The following CNBD1 variants were observed in gnomAD, a reference collection of about 807,000 sequenced individuals.
CNBD1 encodes the protein cyclic nucleotide binding domain containing 1, also known as cyclic nucleotide-binding domain-containing protein 1.
In CNBD1, 71 loss-of-function variants were observed where a neutral mutation model predicts 54.4. That is an observed-to-expected ratio of 1.30 (90% CI 1.08 to 1.59). The LOEUF is 1.59. CNBD1 is among the 40% of genes most tolerant of loss of function. The pLI is 0.00. For missense variants in CNBD1, 659 were observed against 518.0 expected (o/e 1.27, Z -2.64); for synonymous variants, 182 against 170.7 (o/e 1.07, Z -0.51).
At chr8:87,101,670 A>G (rs1450975393) in intron 4 of CNBD1, among the ~76,000 whole-genome samples, 4 of 152,124 alleles carry the variant, frequency 2.6e-5, no homozygotes, top group African/African-American at 9.7e-5. Context: ...GAACATGACA[A>G]CTGCAGAATT....
intron 6 of CNBD1, among the ~76,000 whole-genome samples, chr8:87,274,980 C>A (rs1808444010): frequency 7.5e-6 from 1 of 133,688 alleles, no homozygotes; most frequent in Admixed American, 7.1e-5. Flanking sequence ...CCAGTTTCAG[C>A]TTTCTACATA....
At chr8:87,351,567 TAAG>T in intron 8 of CNBD1, 115 bp from the exon 9 acceptor site, 1 of 972,382 alleles carries the variant, frequency 1.0e-6, no homozygotes, top group African/African-American at 1.7e-5. Context: ...TGGAATCTAT[TAAG>T]AAACTTACTA....
chr8:87,324,210 T>G (rs1809611517), intron 8 of CNBD1, among the ~76,000 whole-genome samples: 1 of 129,672 alleles, frequency 7.7e-6, no homozygotes, highest in African/African-American at 2.9e-5. Flanking sequence ...TTTGCCAGTA[T>G]TTTATTGAGG....
At chr8:87,128,493 C>G (rs1438993303) in intron 4 of CNBD1, among the ~76,000 whole-genome samples, 1 of 152,274 alleles carries the variant, frequency 6.6e-6, no homozygotes, top group African/African-American at 2.4e-5. Flanking sequence ...AGGGAACTCG[C>G]CTATTTCACA....
intron 4 of CNBD1, among the ~76,000 whole-genome samples, chr8:87,073,583 G>C (rs1810803921): frequency 6.6e-6 from 1 of 152,086 alleles, no homozygotes; most frequent in Admixed American, 6.5e-5. Flanking sequence ...GTTTGCTGCT[G>C]TTTCCACTCC....
downstream of CNBD1, among the ~76,000 whole-genome samples, chr8:87,387,615 A>G (rs1244434831): frequency 6.6e-6 from 1 of 152,216 alleles, no homozygotes; most frequent in East Asian, 1.9e-4. Flanking sequence ...GCAAGTCCTT[A>G]GAGACCAACA....
chr8:87,271,712 C>T (rs1808367467), intron 6 of CNBD1, among the ~76,000 whole-genome samples: 2 of 151,906 alleles, frequency 1.3e-5, no homozygotes, highest in Non-Finnish European at 2.9e-5. Context: ...CCTCAGATAA[C>T]TAGAAATAAA....
intron 4 of CNBD1, among the ~76,000 whole-genome samples, chr8:87,089,315 T>A (rs531319446): frequency 2.6e-5 from 4 of 152,192 alleles, no homozygotes; most frequent in African/African-American, 9.6e-5. Flanking sequence ...TTAAGAATAA[T>A]TTTTTTGTAA....
intron 3 of CNBD1, 63 bp downstream of exon 3, chr8:86,905,257 CAAGTTGAA>C: frequency 1.1e-6 from 1 of 920,466 alleles, no homozygotes; most frequent in Non-Finnish European, 1.7e-6. Flanking sequence ...TGTGCTCACA[CAAGTTGAA>C]CTCAAAACTG....
intron 8 of CNBD1, among the ~76,000 whole-genome samples, chr8:87,320,264 T>A (rs940946261): frequency 2.6e-5 from 4 of 152,158 alleles, no homozygotes; most frequent in African/African-American, 9.6e-5. Context: ...AATTGTGTTT[T>A]GTGCATGATA....
At chr8:87,154,013 C>T (rs1002303148) in intron 4 of CNBD1, among the ~76,000 whole-genome samples, 14 of 152,036 alleles carry the variant, frequency 9.2e-5, no homozygotes, top group Non-Finnish European at 1.0e-4. Context: ...AGTGTTGAGA[C>T]GAGTGGAGAG....
chr8:87,105,486 C>A (rs1811514581), intron 4 of CNBD1, among the ~76,000 whole-genome samples: 1 of 152,170 alleles, frequency 6.6e-6, no homozygotes, highest in Admixed American at 6.5e-5. Flanking sequence ...GTGGCACTTT[C>A]TTCCATATCC....
chr8:86,903,339 A>T (rs1264045095), intron 2 of CNBD1, among the ~76,000 whole-genome samples: 1 of 152,180 alleles, frequency 6.6e-6, no homozygotes, highest in Non-Finnish European at 1.5e-5. Flanking sequence ...TAAATTTTTT[A>T]TCCACTCCAA....
In CNBD1 at chr8:87,406,830, G is replaced by T. The variant is rs567308673; in HGVS notation, c.214-21716G>T. ...ACAGGTAAATAATATCTCCATGGCT[G>T]CCCATAGCCCACAGCCCCAGACTGA... On this transcript the variant is annotated intron_variant, in intron 2 of 7. Transcript: ENST00000521593. Among the ~76,000 whole-genome samples the T allele has an allele frequency of 2.0e-5, 3 of 152,094 alleles. No individual in the cohort carries two copies. In the South Asian group the frequency reaches 6.2e-4, roughly 32 times the overall value.
In CNBD1 at chr8:86,879,300, C is replaced by T. The variant is rs542658811; in HGVS notation, c.89-8242C>T. 2.6e-5 allele frequency among the ~76,000 whole-genome samples: 4 copies of T among 152,156 alleles called. No individual in the cohort carries two copies. The South Asian group carries it at 6.2e-4, about 24-fold the overall frequency. On this transcript the variant is annotated intron_variant, in intron 1 of 10. Coordinates refer to ENST00000518476, the MANE Select transcript of CNBD1 (RefSeq NM_173538.3). ...ATGGACCCTGTTCTAAGGGGAGCAT[C>T]ATAAATCTGAAGAAACATAGATATA...
intron 4 of CNBD1, among the ~76,000 whole-genome samples, chr8:86,993,270 T>A (rs1327066458): frequency 6.6e-6 from 1 of 152,104 alleles, no homozygotes; most frequent in Non-Finnish European, 1.5e-5. Flanking sequence ...GCTGAATACA[T>A]TATGAACATT....
At chr8:87,342,162 A>G (rs1408802635) in intron 8 of CNBD1, among the ~76,000 whole-genome samples, 1 of 152,012 alleles carries the variant, frequency 6.6e-6, no homozygotes, top group East Asian at 1.9e-4. Flanking sequence ...AGTCCCAGCT[A>G]CTTGAGAGGC....
At chr8:86,875,076 G>A (rs1257693330) in intron 1 of CNBD1, among the ~76,000 whole-genome samples, 1 of 148,400 alleles carries the variant, frequency 6.7e-6, no homozygotes, top group Non-Finnish European at 1.5e-5. Context: ...CAGCACCACA[G>A]GCTCATTCTT....
chr8:86,953,579 T>C (rs79623711), intron 4 of CNBD1, among the ~76,000 whole-genome samples: 1 of 152,090 alleles, frequency 6.6e-6, no homozygotes, highest in South Asian at 2.1e-4. Context: ...CCAACAATCC[T>C]ATGCAGGCCG....
Sources: allele counts gnomAD v4.1 joint callset (sites outside exome capture counted in the v4.1 genomes callset), GRCh38; gene constraint gnomAD v4.1.1; transcripts MANE v1.5; gene names NCBI Gene and HGNC (gene_info 2026-07-23, HGNC 2026-07-21).